The following CACNB2 variants were observed in gnomAD, a reference collection of about 807,000 sequenced individuals.
The protein encoded by CACNB2 is voltage-dependent L-type calcium channel subunit beta-2.
A neutral mutation model predicts 73.3 loss-of-function variants in CACNB2; 42 were observed. The observed-to-expected ratio is 0.57, with a 90% CI of 0.45 to 0.74. The LOEUF (loss-of-function observed/expected upper bound fraction) is 0.74, where lower values mean the gene tolerates loss of function less well. Ranked by LOEUF, CACNB2 falls within the 30% of genes least tolerant of loss-of-function variation. The pLI, the probability that CACNB2 is intolerant of heterozygous loss-of-function variation, is 0.00. For missense variants in CACNB2, 940 were observed against 853.0 expected (o/e 1.10, Z -1.27); for synonymous variants, 348 against 310.3 (o/e 1.12, Z -1.28).
At chr10:18,230,747 G>A (rs1248908925) in intron 2 of CACNB2, among the ~76,000 whole-genome samples, 4 of 152,034 alleles carry the variant, frequency 2.6e-5, no homozygotes, top group South Asian at 2.1e-4. Flanking sequence ...ACTAAATGGG[G>A]AGACGTATTT....
Position 18,393,733 on chromosome 10 carries a change from C to T in CACNB2, c.214-8191C>T, listed in dbSNP as rs145287589. Among the ~76,000 whole-genome samples, 126 of 152,214 alleles carry T rather than the reference C, an allele frequency of 8.3e-4. 4 individuals carry two copies. In the East Asian group the frequency reaches 0.017, roughly 21 times the overall value. ...GCAAAGAGAGAAAAACTTAAATAGC[C>T]GGTGTCTTGGCTTCTATTGTTTTCC... On this transcript the variant is annotated intron_variant, in intron 2 of 13. Coordinates refer to ENST00000324631, the MANE Select transcript of CACNB2 (RefSeq NM_201596.3).
intron 3 of CACNB2, among the ~76,000 whole-genome samples, chr10:18,495,220 CTTTT>C (rs755228257): frequency 7.3e-6 from 1 of 137,304 alleles, no homozygotes; most frequent in Non-Finnish European, 1.6e-5. Context: ...TTGAGGGAGT[CTTTT>C]TTTTTTTTTT....
intron 12 of CACNB2, among the ~76,000 whole-genome samples, chr10:18,537,971 A>ATTAG (rs1388070598): frequency 2.0e-5 from 3 of 152,120 alleles, no homozygotes; most frequent in Admixed American, 1.3e-4. Context: ...GCCATTATTT[A>ATTAG]TTAGTTAAGC....
At chr10:18,510,494 G>A (rs1402965784) in intron 6 of CACNB2, among the ~76,000 whole-genome samples, 1 of 152,118 alleles carries the variant, frequency 6.6e-6, no homozygotes, top group African/African-American at 2.4e-5. Flanking sequence ...GTAGAGACAG[G>A]ATTTTACCAT....
chr10:18,415,619 G>C (rs2044908941), intron 3 of CACNB2, among the ~76,000 whole-genome samples: 1 of 152,160 alleles, frequency 6.6e-6, no homozygotes, highest in Non-Finnish European at 1.5e-5. Context: ...TGACCCTCTG[G>C]AGGCAGAGCC....
chr10:18,428,596 GA>G (rs1464916373), intron 3 of CACNB2, among the ~76,000 whole-genome samples: 3 of 151,220 alleles, frequency 2.0e-5, no homozygotes, highest in South Asian at 4.2e-4. Flanking sequence ...TGAGGTATGA[GA>G]ATCGCTTGAA....
intron 7 of CACNB2, chr10:18,514,678 A>C: frequency 1.1e-6 from 1 of 915,624 alleles, no homozygotes; most frequent in Non-Finnish European, 1.8e-6. Context: ...AACCAACTAA[A>C]TTCAGGGAGT....
chr10:18,464,475 A>G lies in CACNB2; in HGVS notation c.334-33880A>G, dbSNP rs996668953. The stretch of plus-strand genomic sequence containing the variant: ...TCTTTTCTCTTTACTTCTCACTCTT[A>G]GATTCAATTTTTATTTCCAAGCTTC... On this transcript the variant is annotated intron_variant, in intron 3 of 13. Transcript: ENST00000324631. Among the ~76,000 whole-genome samples, 17 of 145,252 alleles carry G rather than the reference A, an allele frequency of 1.2e-4. No individual in the cohort carries two copies. In the Admixed American group the frequency reaches 1.2e-3, roughly 10 times the overall value.
At chr10:18,356,056 C>A (rs547284605) in intron 2 of CACNB2, among the ~76,000 whole-genome samples, 1 of 152,182 alleles carries the variant, frequency 6.6e-6, no homozygotes, top group Non-Finnish European at 1.5e-5. Context: ...ACTCTGGCAC[C>A]CCAAGGCTGC....
chr10:18,222,498 T>C (rs2035834367), intron 2 of CACNB2, among the ~76,000 whole-genome samples: 1 of 152,184 alleles, frequency 6.6e-6, no homozygotes, highest in African/African-American at 2.4e-5. Flanking sequence ...AGAGTTACTA[T>C]TTTTTGTTTG....
At chr10:18,227,134 G>A (rs1031111290) in intron 2 of CACNB2, among the ~76,000 whole-genome samples, 1 of 152,126 alleles carries the variant, frequency 6.6e-6, no homozygotes, top group Admixed American at 6.5e-5. Flanking sequence ...ATTTTATGTC[G>A]AATATCGTAA....
chr10:18,162,481 A>G (rs1387982217), intron 2 of CACNB2, among the ~76,000 whole-genome samples: 1 of 151,908 alleles, frequency 6.6e-6, no homozygotes, highest in Non-Finnish European at 1.5e-5. Flanking sequence ...AACATTGTTT[A>G]CTCTTTTCAA....
chr10:18,157,871 G>A (rs544050361), intron 2 of CACNB2, among the ~76,000 whole-genome samples: 8 of 152,254 alleles, frequency 5.3e-5, no homozygotes, highest in African/African-American at 1.9e-4. Context: ...CTTCTGTACC[G>A]GAAAGTGAGA....
At chr10:18,193,832 G>A (rs74327313) in intron 2 of CACNB2, among the ~76,000 whole-genome samples, 9,172 of 152,232 alleles carry the variant, frequency 0.06, 292 homozygotes, top group East Asian at 0.095. Context: ...TGCTCATGAA[G>A]CATCAGTCAC....
intron 3 of CACNB2, among the ~76,000 whole-genome samples, chr10:18,407,109 C>CT (rs71507267): frequency 0.023 from 812 of 35,548 alleles, 232 homozygotes; most frequent in African/African-American, 0.066. Context: ...GCTGTTCTGT[C>CT]TTTTTTTTTT....
At chr10:18,393,966 G>C (rs1371606807) in intron 2 of CACNB2, among the ~76,000 whole-genome samples, 1 of 152,068 alleles carries the variant, frequency 6.6e-6, no homozygotes, top group East Asian at 1.9e-4. Context: ...TTCCAAGTAG[G>C]AGTCTCACTC....
chr10:18,484,618 C>T (rs1413496375), intron 3 of CACNB2, among the ~76,000 whole-genome samples: 1 of 152,106 alleles, frequency 6.6e-6, no homozygotes. Context: ...ACTTTTCAAT[C>T]GCTGTAGCTA....
intron 2 of CACNB2, among the ~76,000 whole-genome samples, chr10:18,289,624 A>T (rs1044513968): frequency 4.0e-4 from 61 of 152,036 alleles, no homozygotes; most frequent in African/African-American, 1.5e-3. Flanking sequence ...TAAGATTTTT[A>T]AAAATGTAAA....
intron 2 of CACNB2, among the ~76,000 whole-genome samples, chr10:18,210,230 A>G (rs1442200972): frequency 6.6e-6 from 1 of 152,214 alleles, no homozygotes; most frequent in Non-Finnish European, 1.5e-5. Flanking sequence ...TGGTGGCTAT[A>G]GTCAATCTTA....
Sources: gnomAD v4.1 joint callset for allele counts (sites outside exome capture counted in the v4.1 genomes callset) on GRCh38, gnomAD v4.1.1 for gene constraint, MANE v1.5 for transcripts, NCBI Gene and HGNC (gene_info 2026-07-23, HGNC 2026-07-21) for gene names.